Variants in PEX6 observed in about 807,000 individuals in gnomAD.
PEX6 encodes the protein peroxisomal biogenesis factor 6.
In PEX6, 55 loss-of-function variants were observed where a neutral mutation model predicts 85.6. The ratio of observed to expected loss-of-function variants is 0.64; its 90% CI spans 0.52 to 0.80. The LOEUF (loss-of-function observed/expected upper bound fraction) is 0.80. Ranked by LOEUF, PEX6 falls within the 30% of genes least tolerant of loss-of-function variation. The pLI is 0.00. For missense variants in PEX6, 1,099 were observed against 1,260.3 expected, an observed-to-expected ratio of 0.87 and a Z score of 1.94; for synonymous variants, 519 against 549.1, an observed-to-expected ratio of 0.95 and a Z score of 0.77.
chr6:42,969,852 T>G (rs533017379), intron 4 of PEX6, 33 bp downstream of exon 4: 1 of 1,614,068 alleles, frequency 6.2e-7, no homozygotes, highest in South Asian at 1.1e-5. Context: ...TTCTACCCCC[T>G]GCGCTGGTCT....
At position 42,974,991 on chromosome 6, in the gene PEX6, T is replaced by C; in HGVS notation, c.930A>G (p.Ser310=). ...TGGCAAATGGAGGCCCAGGCAGCAA[T>C]GAGCAGCTTCCTTTGTCTTCAGGGG... ...SIAPEDKGSC[S]LLPGPPFARE... is the part of the protein sequence containing the mutation. Residue 310 remains serine (S), a synonymous_variant, in exon 2 of 17, where the codon TCA becomes TCG. Transcript: ENST00000304611. 1 of 1,613,764 alleles carries C rather than the reference T, an allele frequency of 6.2e-7. No individual in the cohort carries two copies. Among genetic ancestry groups the C allele is most frequent in the Non-Finnish European group, 8.5e-7 (1 of 1,179,868 alleles).
rs1038828357 is a variant in PEX6, at chr6:42,978,879, C to G, written c.272G>C (p.Trp91Ser). The change falls in exon 1 of 17, where the codon TGG becomes TCG. Residue 91 changes from tryptophan to serine, a missense_variant. Coordinates refer to ENST00000304611, the MANE Select transcript of PEX6 (RefSeq NM_000287.4). The stretch of plus-strand genomic sequence containing the variant: ...CCGCCGCACCGCCCGCGCCCGCACC[C>G]AGGCCCCGGAGCCCAGTGCCAGGAG... ...LRLLALGSGA[W>S]VRARAVRRPP... is the part of the protein sequence containing the mutation. 3 of 1,490,724 alleles carry G rather than the reference C, an allele frequency of 2.0e-6. No individual in the cohort carries two copies. The African/African-American group carries it at 4.4e-5, about 22-fold the overall frequency. The allele number at this position is 1,490,724 out of a possible 1,614,324, so 92.3% of individuals were successfully genotyped here. A position where few individuals can be genotyped will look rare whatever the true frequency, so the allele number is the denominator to read the frequency against.
chr6:42,964,260 C>T lies in PEX6; in HGVS notation c.*75G>A. 1 of 1,575,368 alleles carries T rather than the reference C, an allele frequency of 6.3e-7. No individual in the cohort carries two copies. Among genetic ancestry groups the T allele is most frequent in the Non-Finnish European group, 8.7e-7 (1 of 1,147,872 alleles). On this transcript the variant is annotated 3_prime_UTR_variant, in exon 17 of 17. Transcript: ENST00000304611. This position sits in a 1 kb window ranked among gnomAD's most constrained non-coding sequence, Gnocchi z 4.6. ...GGCAGCAGCCTGAGGAGGAGCCCTT[C>T]CTTCCCAGATCTCTCTGTGGGCTAT...
chr6:42,978,937 G>T lies in PEX6; in HGVS notation c.214C>A (p.Pro72Thr). Reference sequence around the variant, plus strand: ...AGCGCGCGGCTAACCAGTAGCTGCGGCGGCCCGGGACCCTGCTCTTCGGTG... The same window carrying T: ...AGCGCGCGGCTAACCAGTAGCTGCGTCGGCCCGGGACCCTGCTCTTCGGTG... ...AGTEEQGPGP[P>T]QLLVSRALLR... Residue 72 changes from proline to threonine, a missense_variant, in exon 1 of 17, where the codon CCG becomes ACG. This residue lies in a region of PEX6 where 579 missense variants were observed against 611.6 expected (regional missense o/e 0.95). Transcript: ENST00000304611. 6.7e-7 allele frequency: 1 copy of T among 1,488,958 alleles called. No homozygotes were observed. The highest frequency in any genetic ancestry group is 8.9e-7 in the Non-Finnish European group (1 of 1,127,864). The allele number at this position is 1,488,958 out of a possible 1,614,324, so 92.2% of individuals were successfully genotyped here. A position where few individuals can be genotyped will look rare whatever the true frequency, so the allele number is the denominator to read the frequency against.
chr6:42,971,949 G>C lies in PEX6; in HGVS notation c.1131-1962C>G, dbSNP rs1770066758. On this transcript the variant is annotated intron_variant, in intron 3 of 16. Transcript: ENST00000304611. This position sits in a 1 kb window ranked among gnomAD's most constrained non-coding sequence, Gnocchi z 4.4. The stretch of plus-strand genomic sequence containing the variant: ...GAGAGGTGGGAAGTGACTGCTAAGT[G>C]CCAGCCTGGCATTTTCCACCAGACT... Among the ~76,000 whole-genome samples, 2 of 152,220 alleles carry C rather than the reference G, an allele frequency of 1.3e-5. No homozygotes were observed. The highest frequency in any genetic ancestry group is 4.8e-5 in the African/African-American group (2 of 41,468).
Position 42,965,337 on chromosome 6 carries a change from C to A in PEX6, c.2503G>T (p.Gly835Trp). ...AACACATCCTGAGTGCTGTGCAGCC[C>A]ATCTAGCTCGGCAAGGAGCTGAGAC... ...VVSQLLAELD[G>W]LHSTQDVFVI... The change falls in exon 14 of 17, where the codon GGG (glycine) becomes TGG (tryptophan). Residue 835 changes from glycine to tryptophan, a missense_variant. Physicochemically the swap from Gly to Trp is radical, Grantham distance 184. Around this residue, in one of 3 missense-constraint regions of PEX6, gnomAD observed 514 missense variants for 627.0 expected, o/e 0.82. Transcript: ENST00000304611. The surrounding 1 kb of genome is among the most constrained non-coding windows in gnomAD (Gnocchi z 5.0). The A allele has an allele frequency of 2.5e-6, 4 of 1,614,086 alleles. No homozygotes were observed. Among genetic ancestry groups the A allele is most frequent in the Non-Finnish European group, 3.4e-6 (4 of 1,179,986 alleles).
chr6:42,968,095 C>T (rs1254608085), intron 7 of PEX6, among the ~76,000 whole-genome samples, 195 bp downstream of exon 7: 12 of 152,048 alleles, frequency 7.9e-5, no homozygotes, highest in South Asian at 4.2e-4. Context: ...TACAGGCACC[C>T]GCCACCACAC....
Position 42,964,085 on chromosome 6 carries a change from G to A in PEX6, c.*250C>T, listed in dbSNP as rs949855091. On this transcript the variant is annotated 3_prime_UTR_variant, in exon 17 of 17. Coordinates refer to ENST00000304611, the MANE Select transcript of PEX6 (RefSeq NM_000287.4). This position sits in a 1 kb window ranked among gnomAD's most constrained non-coding sequence, Gnocchi z 4.6. ...CCAATCCCCAGAACCCAAGGCCCTG[G>A]CCCTCTTCCTGAGTAGATGGGCCTT... 3 of 591,072 alleles carry A rather than the reference G, an allele frequency of 5.1e-6. No homozygotes were observed. The highest frequency in any genetic ancestry group is 1.9e-5 in the African/African-American group (1 of 53,698). 36.6% of individuals were successfully genotyped at this position (591,072 alleles called of 1,614,324 possible). A position where few individuals can be genotyped will look rare whatever the true frequency, so the allele number is the denominator to read the frequency against.
Position 42,966,059 on chromosome 6 carries a change from C to T in PEX6, c.2347G>A (p.Glu783Lys), listed in dbSNP as rs757161798. ...GCTCACTCACCTTCCCGCACATTCT[C>T]CTCACTTTGGCCCACATACATGTTA... ...LINMYVGQSE[E>K]NVREVFARAR... The change falls in exon 12 of 17, where the codon GAG (glutamate) becomes AAG (lysine). Residue 783 changes from glutamate to lysine, a missense_variant. Physicochemically the swap from Glu to Lys is moderately conservative, Grantham distance 56. Transcript: ENST00000304611. 2.0e-5 allele frequency: 32 copies of T among 1,614,026 alleles called. No homozygotes were observed. Among genetic ancestry groups the T allele is most frequent in the Non-Finnish European group, 2.6e-5 (31 of 1,180,034 alleles).
In PEX6 at chr6:42,967,410, CA is replaced by C. The variant is rs863225083; in HGVS notation, c.1841del (p.Leu614ArgfsTer5). 38 of 1,613,298 alleles carry C rather than the reference CA, an allele frequency of 2.4e-5. No individual in the cohort carries two copies. The highest frequency in any genetic ancestry group is 3.2e-5 in the Non-Finnish European group (38 of 1,179,936). On this transcript the variant is annotated frameshift_variant, in exon 8 of 17. Coordinates refer to ENST00000304611, the MANE Select transcript of PEX6 (RefSeq NM_000287.4). LOFTEE classifies it high-confidence loss of function. ...ILRALTAHLP[L>X]GQEVNLAQLA... The stretch of plus-strand genomic sequence containing the variant: ...GCTGTGCCAAGTTCACCTCCTGGCC[CA>C]GGGGAAGGTGGGCAGTGAGGGCCCG...
intron 8 of PEX6, 103 bp from the exon 9 acceptor site, chr6:42,966,961 T>TTTG (rs1443298198): frequency 8.3e-6 from 6 of 724,968 alleles, no homozygotes; most frequent in South Asian, 4.8e-5. Context: ...ATGCCTTAGG[T>TTTG]TTGTTGTTTT....
In PEX6 at chr6:42,978,929, T is replaced by C; in HGVS notation, c.222A>G (p.Leu74=). Residue 74 remains leucine (L), a synonymous_variant, in exon 1 of 17, where the codon CTA becomes CTG. Transcript: ENST00000304611. ...TEEQGPGPPQ[L]LVSRALLRLL... ...GCCGCAGCAGCGCGCGGCTAACCAG[T>C]AGCTGCGGCGGCCCGGGACCCTGCT... The C allele has an allele frequency of 1.3e-6, 2 of 1,488,240 alleles. No homozygotes were observed. The highest frequency in any genetic ancestry group is 1.3e-5 in the South Asian group (1 of 78,828). The allele number at this position is 1,488,240 out of a possible 1,614,324, so 92.2% of individuals were successfully genotyped here. A position where few individuals can be genotyped will look rare whatever the true frequency, so the allele number is the denominator to read the frequency against.
rs1008202706 is a variant in PEX6 at position 42,978,213 on chromosome 6, C to T, written c.882+56G>A. 2.5e-6 allele frequency: 4 copies of T among 1,583,968 alleles called. No homozygotes were observed. In the Admixed American group the frequency reaches 5.0e-5, roughly 20 times the overall value. On this transcript the variant is annotated intron_variant, in intron 1 of 16. Transcript: ENST00000304611. Reference sequence around the variant, plus strand: ...CCTAAATCTTCCAATTTACCTAAGACAGAGAAGAGGGTATAAGAAAGAGGA... The same window carrying T: ...CCTAAATCTTCCAATTTACCTAAGATAGAGAAGAGGGTATAAGAAAGAGGA...
Position 42,964,906 on chromosome 6 carries a change from C to T in PEX6, c.2690G>A (p.Ser897Asn). ...GCAGCAATCTAGCACGTTTACCAGG[C>T]TCACAGATGGCTCTAGCTTGAATCT... is the stretch of plus-strand genomic sequence containing the variant. The part of the protein sequence containing the change: ...TRKFKLEPSV[S>N]LVNVLDCCPP... The change falls in exon 16 of 17, where the codon AGC becomes AAC. Residue 897 changes from serine to asparagine, a missense_variant. Around this residue, in one of 3 missense-constraint regions of PEX6, gnomAD observed 514 missense variants for 627.0 expected, o/e 0.82. Transcript: ENST00000304611. The surrounding 1 kb of genome is among the most constrained non-coding windows in gnomAD (Gnocchi z 4.6). 1 of 1,614,186 alleles carries T rather than the reference C, an allele frequency of 6.2e-7. No individual in the cohort carries two copies. Among genetic ancestry groups the T allele is most frequent in the Non-Finnish European group, 8.5e-7 (1 of 1,180,032 alleles).
At chr6:42,972,947 G>A (rs1009547338) in intron 3 of PEX6, among the ~76,000 whole-genome samples, 13 of 152,138 alleles carry the variant, frequency 8.5e-5, no homozygotes, top group Admixed American at 5.9e-4. Context: ...GAACGGAAAG[G>A]AAGGAATCCC....
rs747007661 is a variant in PEX6 at position 42,967,547 on chromosome 6, C to A, written c.1705G>T (p.Val569Phe). Reference protein sequence around the residue: ...DPLNSCPPLMVVATTSRAQDL... With the variant: ...DPLNSCPPLMFVATTSRAQDL... The stretch of plus-strand genomic sequence containing the variant: ...TGGGCCCGGCTTGTGGTGGCCACAA[C>A]CATGAGGGGAGGGCAGCTGCAGACA... The change falls in exon 8 of 17, where the codon GTT becomes TTT. Residue 569 changes from valine (V) to phenylalanine (F), a missense_variant. Transcript: ENST00000304611. The A allele has an allele frequency of 1.9e-6, 3 of 1,603,082 alleles. No homozygotes were observed. In the South Asian group the frequency reaches 3.4e-5, roughly 18 times the overall value.
chr6:42,978,232 AAG>A, intron 1 of PEX6, 35 bp downstream of exon 1: 1 of 1,610,034 alleles, frequency 6.2e-7, no homozygotes, highest in Non-Finnish European at 8.5e-7. Flanking sequence ...GGGTATAAGA[AAG>A]AGGAAGCACT....
At position 42,978,943 on chromosome 6, in the gene PEX6, C is replaced by T. The variant is rs2150240598; in HGVS notation, c.208G>A (p.Gly70Arg). 2 of 1,495,204 alleles carry T rather than the reference C, an allele frequency of 1.3e-6. No individual in the cohort carries two copies. The highest frequency in any genetic ancestry group is 4.4e-5 in the Admixed American group (2 of 45,458). The allele number at this position is 1,495,204 out of a possible 1,614,324, so 92.6% of individuals were successfully genotyped here. A position where few individuals can be genotyped will look rare whatever the true frequency, so the allele number is the denominator to read the frequency against. ...PDAGTEEQGP[G>R]PPQLLVSRAL... ...CGGCTAACCAGTAGCTGCGGCGGCC[C>T]GGGACCCTGCTCTTCGGTGCCCGCG... The change falls in exon 1 of 17, where the codon GGG becomes AGG. Residue 70 changes from glycine (G) to arginine (R), a missense_variant. Gly to Arg is a moderately radical substitution (Grantham distance 125). This residue lies in a region of PEX6 where 579 missense variants were observed against 611.6 expected (regional missense o/e 0.95). Transcript: ENST00000304611.
In PEX6 at chr6:42,968,365, C is replaced by T. The variant is rs559048081; in HGVS notation, c.1613G>A (p.Arg538His). 2.8e-5 allele frequency: 46 copies of T among 1,614,160 alleles called. No homozygotes were observed. The East Asian group carries it at 2.9e-4, about 10-fold the overall frequency. Residue 538 changes from arginine (R) to histidine (H), a missense_variant, in exon 7 of 17, where the codon CGT (arginine) becomes CAT (histidine). By Grantham distance (29) the Arg-to-His change is conservative. Coordinates refer to ENST00000304611, the MANE Select transcript of PEX6 (RefSeq NM_000287.4). ...LTAVDLLGRD[R>H]DGLGEDARVM... ...ACGGGCATCCTCACCCAGCCCATCACGGTCCCGGCCCAGAAGGTCCACAGC... is the reference window on the plus strand; with the variant it reads ...ACGGGCATCCTCACCCAGCCCATCATGGTCCCGGCCCAGAAGGTCCACAGC...
Sources: allele counts gnomAD v4.1 joint callset (sites outside exome capture counted in the v4.1 genomes callset), GRCh38; gene constraint gnomAD v4.1.1; regional missense constraint gnomAD v4.1.1; non-coding constraint Gnocchi (gnomAD v3.1); transcripts MANE v1.5; gene names NCBI Gene and HGNC (gene_info 2026-07-23, HGNC 2026-07-21).